CHDH: variants seen among roughly 807,000 people sequenced by gnomAD.
CHDH encodes the protein choline dehydrogenase, mitochondrial.
Under a neutral mutation model 56.9 loss-of-function variants are expected in CHDH, and 43 were observed. The observed-to-expected ratio is 0.76, with a 90% CI of 0.59 to 0.97. The LOEUF (loss-of-function observed/expected upper bound fraction) is 0.97. Ranked by LOEUF, CHDH falls within the 50% of genes least tolerant of loss-of-function variation. The probability of loss-of-function intolerance (pLI) is 0.00; values close to 1 mark genes in which losing one functional copy is unlikely to be tolerated. For synonymous variants in CHDH, 364 were observed against 348.5 expected (o/e 1.04, Z -0.50); for missense variants, 816 against 821.1 (o/e 0.99, Z 0.08).
rs1376524790 is a variant in CHDH, at chr3:53,818,185, A to C, written c.1377T>G (p.Ile459Met). The C allele has an allele frequency of 1.9e-6, 3 of 1,604,286 alleles. No individual in the cohort carries two copies. Among genetic ancestry groups the C allele is most frequent in the Admixed American group, 1.7e-5 (1 of 58,678 alleles). ...GCTTCACACACAGACGGAAATCCTC[A>C]ATATCAGTTTCTGTCGAGGAGAAGA... Reference protein sequence around the residue: ...QPNYLSTETDIEDFRLCVKLT... With the variant: ...QPNYLSTETDMEDFRLCVKLT... Residue 459 changes from isoleucine to methionine, a missense_variant, in exon 9 of 9, where the codon ATT (isoleucine) becomes ATG (methionine). Coordinates refer to ENST00000315251, the MANE Select transcript of CHDH (RefSeq NM_018397.5).
chr3:53,843,188 CTTT>C (rs10636132), intron 1 of CHDH, among the ~76,000 whole-genome samples: 1 of 125,182 alleles, frequency 8.0e-6, no homozygotes. Flanking sequence ...CCCCCCCCAC[CTTT>C]TTTTTTTTTT....
rs552348023 is a variant in CHDH at position 53,814,160 on chromosome 3, A to G, written c.*3617T>C. ...AGGGGCACCACTTGCTTTCCTGCTG[A>G]CCCTGCTATGAGAAAAACTGGAGCA... On this transcript the variant is annotated 3_prime_UTR_variant, in exon 9 of 9. Coordinates refer to ENST00000315251, the MANE Select transcript of CHDH (RefSeq NM_018397.5). 2 of 151,984 alleles carry G rather than the reference A, an allele frequency of 1.3e-5. No homozygotes were observed. The highest frequency in any genetic ancestry group is 2.1e-4 in the South Asian group (1 of 4,786). 9.4% of individuals were successfully genotyped at this position (151,984 alleles called of 1,614,324 possible). A position where few individuals can be genotyped will look rare whatever the true frequency, so the allele number is the denominator to read the frequency against.
At position 53,817,740 on chromosome 3, in the gene CHDH, A is replaced by AG. The variant is rs1342950842; in HGVS notation, c.*36dup. The AG allele has an allele frequency of 1.9e-6, 3 of 1,546,666 alleles. No homozygotes were observed. The highest frequency in any genetic ancestry group is 1.4e-5 in the African/African-American group (1 of 73,150). On this transcript the variant is annotated 3_prime_UTR_variant, in exon 9 of 9. Transcript: ENST00000315251. Reference sequence around the variant, plus strand: ...GCTGTGCTGGCCCTCTTGGCTTATCAGGGGGCTTCCCTGGTCATCCTCCAG... The same window carrying AG: ...GCTGTGCTGGCCCTCTTGGCTTATCAGGGGGGCTTCCCTGGTCATCCTCCAG...
chr3:53,834,630 T>C (rs1354989849), intron 2 of CHDH, among the ~76,000 whole-genome samples: 1 of 152,212 alleles, frequency 6.6e-6, no homozygotes, highest in African/African-American at 2.4e-5. Flanking sequence ...CAGAAGAAGA[T>C]GCTTACGCAC....
rs937243566 is a variant in CHDH, at chr3:53,824,085, G to A, written c.-59-18C>T. 2.9e-5 allele frequency: 39 copies of A among 1,338,652 alleles called. No individual in the cohort carries two copies. In the Admixed American group the frequency reaches 1.0e-3, roughly 35 times the overall value. 82.9% of individuals were successfully genotyped at this position (1,338,652 alleles called of 1,614,324 possible). The stretch of plus-strand genomic sequence containing the variant: ...ACTTCTCCCTAAAACAGGAAGAGGG[G>A]CTTTAAAAATCTTAACTCCGCATAT... On this transcript the variant is annotated intron_variant, in intron 2 of 8. Transcript: ENST00000315251.
chr3:53,826,392 G>GAATC (rs1036787001), intron 2 of CHDH, among the ~76,000 whole-genome samples: 2 of 150,978 alleles, frequency 1.3e-5, no homozygotes, highest in African/African-American at 4.9e-5. Flanking sequence ...CTAGAAAATT[G>GAATC]AATCAAAGTA....
chr3:53,822,270 C>A (rs2095628433), intron 4 of CHDH, among the ~76,000 whole-genome samples: 1 of 151,978 alleles, frequency 6.6e-6, no homozygotes, highest in South Asian at 2.1e-4. Flanking sequence ...AGGCATGGCA[C>A]ACAGGGGCAC....
At chr3:53,829,593 T>G (rs767086334) in intron 2 of CHDH, among the ~76,000 whole-genome samples, 5 of 152,202 alleles carry the variant, frequency 3.3e-5, no homozygotes, top group Non-Finnish European at 7.4e-5. Flanking sequence ...CTGACTCCAT[T>G]TTTGATGTTT....
chr3:53,841,724 G>A (rs1698674524), intron 1 of CHDH, among the ~76,000 whole-genome samples: 1 of 152,336 alleles, frequency 6.6e-6, no homozygotes, highest in African/African-American at 2.4e-5. Context: ...AAATTAATCA[G>A]GAGCTGGGAC....
chr3:53,830,012 C>A (rs1698284491), intron 2 of CHDH, among the ~76,000 whole-genome samples: 1 of 152,138 alleles, frequency 6.6e-6, no homozygotes, highest in Non-Finnish European at 1.5e-5. Flanking sequence ...GGAAACATGA[C>A]ATACTTAGTA....
At chr3:53,826,096 G>C (rs13088829) in intron 2 of CHDH, among the ~76,000 whole-genome samples, 21 of 152,020 alleles carry the variant, frequency 1.4e-4, no homozygotes, top group Non-Finnish European at 2.4e-4. Context: ...CTCCAGATAA[G>C]CCTATATCTA....
intron 8 of CHDH, among the ~76,000 whole-genome samples, chr3:53,818,426 G>A (rs550516115): frequency 6.6e-6 from 1 of 152,298 alleles, no homozygotes; most frequent in African/African-American, 2.4e-5. Context: ...CCCACCCAGA[G>A]GCCCAGGTTT....
Position 53,816,133 on chromosome 3 carries a change from G to GCCC in CHDH, c.*1641_*1643dup, listed in dbSNP as rs869307609. ...GAAAACTAACTTGTGGCTGTCGGAC[G>GCCC]CCCCCCCCCCCCGCCCCAGTCTGTA... On this transcript the variant is annotated 3_prime_UTR_variant, in exon 9 of 9. Transcript: ENST00000315251. 1 of 23,530 alleles carries GCCC rather than the reference G, an allele frequency of 4.2e-5. No homozygotes were observed. The highest frequency in any genetic ancestry group is 5.0e-4 in the Admixed American group (1 of 1,986). The allele number at this position is 23,530 out of a possible 1,614,324, so 1.5% of individuals were successfully genotyped here.
At chr3:53,824,579 T>C (rs915127814) in intron 2 of CHDH, among the ~76,000 whole-genome samples, 1 of 152,082 alleles carries the variant, frequency 6.6e-6, no homozygotes, top group Non-Finnish European at 1.5e-5. Context: ...AAGATCAGCA[T>C]GAGAGGCACG....
intron 2 of CHDH, among the ~76,000 whole-genome samples, chr3:53,825,671 A>G (rs901120618): frequency 6.6e-6 from 1 of 152,152 alleles, no homozygotes; most frequent in Non-Finnish European, 1.5e-5. Flanking sequence ...ATTTGAAGAG[A>G]TAATTGCTGA....
Position 53,812,899 on chromosome 3 carries a change from A to G in CHDH, c.*4878T>C, listed in dbSNP as rs368045263. 33 of 135,904 alleles carry G rather than the reference A, an allele frequency of 2.4e-4. No homozygotes were observed. The highest frequency in any genetic ancestry group is 8.1e-4 in the African/African-American group (33 of 40,684). The allele number at this position is 135,904 out of a possible 1,614,324, so 8.4% of individuals were successfully genotyped here. A position where few individuals can be genotyped will look rare whatever the true frequency, so the allele number is the denominator to read the frequency against. ...GTATGTTCTCTTTGAGGGCTTTTATATGCAATTGAATGAGGGCTGAAGTTT... is the reference window on the plus strand; with the variant it reads ...GTATGTTCTCTTTGAGGGCTTTTATGTGCAATTGAATGAGGGCTGAAGTTT... On this transcript the variant is annotated 3_prime_UTR_variant, in exon 9 of 9. Coordinates refer to ENST00000315251, the MANE Select transcript of CHDH (RefSeq NM_018397.5).
chr3:53,824,536 CT>C (rs2095635452), intron 2 of CHDH, among the ~76,000 whole-genome samples: 1 of 152,152 alleles, frequency 6.6e-6, no homozygotes, highest in African/African-American at 2.4e-5. Context: ...GGTTTAGGGC[CT>C]GGGAAAAGGA....
At chr3:53,833,313 T>G (rs537865107) in intron 2 of CHDH, among the ~76,000 whole-genome samples, 59 of 152,234 alleles carry the variant, frequency 3.9e-4, no homozygotes, top group African/African-American at 1.4e-3. Flanking sequence ...GTATCACAAC[T>G]CTGCTCCAAC....
rs568422934 is a variant in CHDH at position 53,817,730 on chromosome 3, T to C, written c.*47A>G. The C allele has an allele frequency of 3.3e-6, 5 of 1,525,676 alleles. No individual in the cohort carries two copies. In the South Asian group the frequency reaches 6.4e-5, roughly 20 times the overall value. The allele number at this position is 1,525,676 out of a possible 1,614,324, so 94.5% of individuals were successfully genotyped here. ...GGGAGCAAGGGCTGTGCTGGCCCTCTTGGCTTATCAGGGGGCTTCCCTGGT... is the reference window on the plus strand; with the variant it reads ...GGGAGCAAGGGCTGTGCTGGCCCTCCTGGCTTATCAGGGGGCTTCCCTGGT... On this transcript the variant is annotated 3_prime_UTR_variant, in exon 9 of 9. Coordinates refer to ENST00000315251, the MANE Select transcript of CHDH (RefSeq NM_018397.5).
Sources: allele counts gnomAD v4.1 joint callset (sites outside exome capture counted in the v4.1 genomes callset), GRCh38; gene constraint gnomAD v4.1.1; transcripts MANE v1.5; gene names NCBI Gene and HGNC (gene_info 2026-07-23, HGNC 2026-07-21).